CDH11: variants seen among roughly 807,000 people sequenced by gnomAD.
CDH11 encodes the protein cadherin-11.
CDH11 carries 11 observed loss-of-function variants against 67.8 expected under a neutral mutation model. That is an observed-to-expected ratio of 0.16 (90% CI 0.10 to 0.27). The LOEUF (loss-of-function observed/expected upper bound fraction) is 0.27. CDH11 is among the 10% of genes least tolerant of loss of function. CDH11 has a pLI of 1.00. For missense variants in CDH11, 847 were observed against 1,031.2 expected, an observed-to-expected ratio of 0.82 and a Z score of 2.45; for synonymous variants, 419 against 400.0, an observed-to-expected ratio of 1.05 and a Z score of -0.57.
intron 4 of CDH11, among the ~76,000 whole-genome samples, 162 bp from the exon 5 acceptor site, chr16:64,993,196 ACCTTCCTTCCTTCCTTCCTT>A (rs71143543): frequency 1.4e-5 from 2 of 147,102 alleles, no homozygotes; most frequent in East Asian, 4.0e-4. Context: ...CAGCCAACCA[ACCTTCCTTCCTTCCTTCCTT>A]CCTTCCTTCC....
intron 8 of CDH11, among the ~76,000 whole-genome samples, chr16:64,976,408 A>C (rs1253434469): frequency 1.3e-5 from 2 of 152,204 alleles, no homozygotes; most frequent in Non-Finnish European, 2.9e-5. Context: ...GAGACAAAAA[A>C]AAACAAAAAC....
At chr16:65,001,202 T>C (rs1339581232) in intron 3 of CDH11, among the ~76,000 whole-genome samples, 1 of 152,224 alleles carries the variant, frequency 6.6e-6, no homozygotes, top group Non-Finnish European at 1.5e-5. Context: ...GTCCTCTTTG[T>C]TTCTAGGGGG....
Position 65,121,741 on chromosome 16 carries a change from G to C in CDH11, c.-298+139C>G. 1.5e-6 allele frequency: 1 copy of C among 683,904 alleles called. No individual in the cohort carries two copies. Among genetic ancestry groups the C allele is most frequent in the South Asian group, 1.6e-5 (1 of 64,388 alleles). The allele number at this position is 683,904 out of a possible 1,614,324, so 42.4% of individuals were successfully genotyped here. A position where few individuals can be genotyped will look rare whatever the true frequency, so the allele number is the denominator to read the frequency against. Reference sequence around the variant, plus strand: ...TCTCCCTCCCTTTTGCTTTGCGTTAGTGAAGCCTTCTCGACTCAGATACCA... The same window carrying C: ...TCTCCCTCCCTTTTGCTTTGCGTTACTGAAGCCTTCTCGACTCAGATACCA... On this transcript the variant is annotated intron_variant, in intron 1 of 12. Transcript: ENST00000268603. The surrounding 1 kb of genome is among the most constrained non-coding windows in gnomAD (Gnocchi z 4.1).
At position 65,010,043 on chromosome 16, in the gene CDH11, C is replaced by T. The variant is rs145809471; in HGVS notation, c.-172-5002G>A. ...TTGGGTGGAGAATGAAAGACGAAAGCGCTTAGCAGAAAGCAAGCAGATTTG... is the reference window on the plus strand; with the variant it reads ...TTGGGTGGAGAATGAAAGACGAAAGTGCTTAGCAGAAAGCAAGCAGATTTG... On this transcript the variant is annotated intron_variant, in intron 2 of 12. Transcript: ENST00000268603. 2.2e-3 allele frequency among the ~76,000 whole-genome samples: 341 copies of T among 152,298 alleles called. 3 individuals carry two copies. The highest frequency in any genetic ancestry group is 7.5e-3 in the African/African-American group (313 of 41,576).
chr16:65,009,393 G>T (rs2073130139), intron 2 of CDH11, among the ~76,000 whole-genome samples: 1 of 152,034 alleles, frequency 6.6e-6, no homozygotes, highest in African/African-American at 2.4e-5. Context: ...TTGATCTTTG[G>T]TTTTTATTTT....
intron 1 of CDH11, among the ~76,000 whole-genome samples, chr16:65,105,551 T>TTAGCAC (rs2075053680): frequency 6.6e-6 from 1 of 152,264 alleles, no homozygotes; most frequent in African/African-American, 2.4e-5. Flanking sequence ...GAAAGTTGGA[T>TTAGCAC]TAGCACAATT....
At chr16:65,090,906 T>G (rs1320789390) in intron 1 of CDH11, among the ~76,000 whole-genome samples, 1 of 152,218 alleles carries the variant, frequency 6.6e-6, no homozygotes, top group Non-Finnish European at 1.5e-5. Context: ...ATTTTAAGTG[T>G]GTTTCCTACT....
chr16:65,120,182 A>T (rs1321126539), intron 1 of CDH11, among the ~76,000 whole-genome samples: 1 of 152,184 alleles, frequency 6.6e-6, no homozygotes, highest in African/African-American at 2.4e-5. Context: ...CAATTCCAGG[A>T]TTAACGAAAA....
intron 1 of CDH11, among the ~76,000 whole-genome samples, chr16:65,083,965 G>A (rs976312111): frequency 3.9e-5 from 6 of 152,106 alleles, no homozygotes; most frequent in African/African-American, 1.4e-4. Flanking sequence ...GTTCTGGAGA[G>A]GATTTCCCTT....
chr16:65,115,190 G>GA (rs1426139610), intron 1 of CDH11, among the ~76,000 whole-genome samples: 1 of 152,030 alleles, frequency 6.6e-6, no homozygotes, highest in African/African-American at 2.4e-5. Context: ...CGAACAGAGG[G>GA]AAAAAATGCA....
At chr16:64,973,731 G>A (rs762971924) in intron 8 of CDH11, among the ~76,000 whole-genome samples, 8 of 152,010 alleles carry the variant, frequency 5.3e-5, no homozygotes, top group Non-Finnish European at 7.4e-5. Context: ...CATTGAATCC[G>A]GGAAGCGGAG....
At chr16:65,092,969 C>T (rs1321783085) in intron 1 of CDH11, among the ~76,000 whole-genome samples, 1 of 145,922 alleles carries the variant, frequency 6.9e-6, no homozygotes, top group Non-Finnish European at 1.5e-5. Context: ...TGGACTCTCA[C>T]TCTGTTGTCC....
In CDH11 at chr16:65,004,669, G is replaced by T. The variant is rs377458530; in HGVS notation, c.201C>A (p.Thr67=). The T allele has an allele frequency of 1.2e-6, 2 of 1,613,348 alleles. No individual in the cohort carries two copies. The highest frequency in any genetic ancestry group is 8.5e-7 in the Non-Finnish European group (1 of 1,179,906). The part of the protein sequence containing the change: ...WNQFFVIEEY[T]GPDPVLVGRL... ...TGCCCACAAGCACGGGGTCAGGCCC[G>T]GTGTACTCCTCTATCACGAAGAACT... Residue 67 remains threonine (T), a synonymous_variant, in exon 3 of 13, where the codon ACC becomes ACA. Transcript: ENST00000268603.
At chr16:65,007,246 G>A (rs1369105420) in intron 2 of CDH11, 1 of 152,216 alleles carries the variant, frequency 6.6e-6, no homozygotes, top group East Asian at 1.9e-4. Flanking sequence ...GGAGGCCACA[G>A]ATGTGCAGTT....
intron 1 of CDH11, among the ~76,000 whole-genome samples, chr16:65,102,125 C>CA (rs1039014856): frequency 3.9e-5 from 6 of 152,264 alleles, no homozygotes; most frequent in South Asian, 2.1e-4. Context: ...TTCACACCTC[C>CA]AAAAAATGCC....
Position 64,998,837 on chromosome 16 carries a change from G to A in CDH11, c.248C>T (p.Ser83Phe), listed in dbSNP as rs2072842315. ...AATGTATTTAATGTTCCCATCACCA[G>A]AGTCAATATCTGAATGAAGCTGGAA... ...LVGRLHSDID[S>F]GDGNIKYILS... is the part of the protein sequence containing the mutation. The change falls in exon 4 of 13, where the codon TCT (serine) becomes TTT (phenylalanine). Residue 83 changes from serine to phenylalanine, a missense_variant. By Grantham distance (155) the Ser-to-Phe change is radical. Around this residue, in one of 2 missense-constraint regions of CDH11, gnomAD observed 235 missense variants for 352.5 expected, o/e 0.67. Coordinates refer to ENST00000268603, the MANE Select transcript of CDH11 (RefSeq NM_001797.4). 1 of 1,613,904 alleles carries A rather than the reference G, an allele frequency of 6.2e-7. No individual in the cohort carries two copies. Among genetic ancestry groups the A allele is most frequent in the African/African-American group, 1.3e-5 (1 of 74,898 alleles).
intron 1 of CDH11, among the ~76,000 whole-genome samples, chr16:65,074,030 T>C (rs1392202812): frequency 6.6e-6 from 1 of 152,236 alleles, no homozygotes; most frequent in African/African-American, 2.4e-5. Flanking sequence ...AAGCTGTGGC[T>C]AAGTCCTTGG....
At chr16:64,984,709 T>C (rs1188431119) in intron 7 of CDH11, 3 of 152,186 alleles carry the variant, frequency 2.0e-5, no homozygotes, top group Non-Finnish European at 4.4e-5. Context: ...AACTGTGAGA[T>C]TTTATTAAGG....
At position 65,045,727 on chromosome 16, in the gene CDH11, T is replaced by A. The variant is rs191293521; in HGVS notation, c.-173+8077A>T. On this transcript the variant is annotated intron_variant, in intron 2 of 12. Coordinates refer to ENST00000268603, the MANE Select transcript of CDH11 (RefSeq NM_001797.4). ...TACAGGCGGAGTCAGTAAATACGTG[T>A]TTAATGCATGAATGAATTAATGAAT... Among the ~76,000 whole-genome samples, 641 of 152,182 alleles carry A rather than the reference T, an allele frequency of 4.2e-3. 5 individuals carry two copies. The highest frequency in any genetic ancestry group is 6.4e-3 in the Non-Finnish European group (436 of 67,996).
Sources: allele counts gnomAD v4.1 joint callset (sites outside exome capture counted in the v4.1 genomes callset), GRCh38; gene constraint gnomAD v4.1.1; regional missense constraint gnomAD v4.1.1; non-coding constraint Gnocchi (gnomAD v3.1); transcripts MANE v1.5; gene names NCBI Gene and HGNC (gene_info 2026-07-23, HGNC 2026-07-21).